Variants in DPH6 observed in about 807,000 individuals in gnomAD.
DPH6 encodes diphthine--ammonia ligase.
DPH6 carries 33 observed loss-of-function variants against 38.2 expected under a neutral mutation model. The observed-to-expected ratio is 0.86, with a 90% confidence interval of 0.65 to 1.15. DPH6 has a LOEUF of 1.15. DPH6 is among the 50% of genes most tolerant of loss of function. DPH6 has a pLI of 0.00. For synonymous variants in DPH6, 108 were observed against 103.0 expected, an observed-to-expected ratio of 1.05 and a Z score of -0.30; for missense variants, 325 against 320.0, an observed-to-expected ratio of 1.02 and a Z score of -0.12.
chr15:35,453,927 T>A (rs1189945400), intron 4 of DPH6, among the ~76,000 whole-genome samples: 1 of 152,098 alleles, frequency 6.6e-6, no homozygotes, highest in Non-Finnish European at 1.5e-5. Flanking sequence ...ATTTATCCTT[T>A]TGACTAGCAA....
the DPH6 span, among the ~76,000 whole-genome samples, chr15:35,155,221 G>A: frequency 6.6e-6 from 1 of 152,096 alleles, no homozygotes; most frequent in African/African-American, 2.4e-5. Context: ...CATAAAAAAG[G>A]ACTGGATTTA....
chr15:35,383,436 G>C (rs2052899107), intron 6 of DPH6, among the ~76,000 whole-genome samples: 1 of 152,096 alleles, frequency 6.6e-6, no homozygotes. Flanking sequence ...ATAGTTATTA[G>C]CCAGGCCTTG....
intron 5 of DPH6, among the ~76,000 whole-genome samples, chr15:35,411,430 T>C (rs2053365366): frequency 6.6e-6 from 1 of 151,798 alleles, no homozygotes; most frequent in Non-Finnish European, 1.5e-5. Context: ...TGACATTTCA[T>C]TTCAATGACT....
rs147991360 is a variant in DPH6 at position 35,468,993 on chromosome 15, G to A, written c.313-14173C>T. Among the ~76,000 whole-genome samples, 29 of 152,104 alleles carry A rather than the reference G, an allele frequency of 1.9e-4. No individual in the cohort carries two copies. The East Asian group carries it at 5.2e-3, about 27-fold the overall frequency. On this transcript the variant is annotated intron_variant, in intron 3 of 8. Transcript: ENST00000256538. ...AGAGTCAGGAGAATCGCTTGAATCC[G>A]GGAGGCGGAGGTTGCAGTGAGCCAA...
intron 3 of DPH6, among the ~76,000 whole-genome samples, chr15:35,469,414 A>G (rs527754426): frequency 4.0e-4 from 61 of 152,340 alleles, no homozygotes; most frequent in African/African-American, 1.4e-3. Context: ...AAAGCAAGTT[A>G]AAAGTTAAAA....
chr15:35,244,635 A>G (rs1266658695), intron 3 of DPH6, among the ~76,000 whole-genome samples: 4 of 152,258 alleles, frequency 2.6e-5, no homozygotes. Flanking sequence ...AGCAGTGATT[A>G]TCCCATATAT....
chr15:35,347,599 T>A (rs778647631), intron 3 of DPH6, among the ~76,000 whole-genome samples: 45,921 of 151,688 alleles, frequency 0.3, 7,662 homozygotes, highest in African/African-American at 0.44. Flanking sequence ...AAACTTGGAG[T>A]CCAAATATCT....
intron 1 of DPH6, among the ~76,000 whole-genome samples, chr15:35,545,474 GACTAGT>G (rs1418474705): frequency 6.6e-6 from 1 of 152,218 alleles, no homozygotes; most frequent in Non-Finnish European, 1.5e-5. Context: ...TCTAGCATAA[GACTAGT>G]ACAATTCGGT....
At chr15:35,531,875 A>G (rs2055093055) in intron 3 of DPH6, among the ~76,000 whole-genome samples, 1 of 152,176 alleles carries the variant, frequency 6.6e-6, no homozygotes, top group Non-Finnish European at 1.5e-5. Flanking sequence ...GACAGATACA[A>G]AAATGAACAG....
At chr15:35,267,642 C>T (rs532226055) in intron 3 of DPH6, among the ~76,000 whole-genome samples, 83 of 152,204 alleles carry the variant, frequency 5.5e-4, no homozygotes, top group Non-Finnish European at 1.1e-3. Flanking sequence ...CATCAGTTTT[C>T]GAGAATAGCC....
intron 3 of DPH6, among the ~76,000 whole-genome samples, chr15:35,313,508 T>C (rs2052162028): frequency 6.6e-6 from 1 of 152,162 alleles, no homozygotes; most frequent in Non-Finnish European, 1.5e-5. Context: ...CTCTTCAATT[T>C]CTTTCATCAG....
At chr15:35,482,873 A>G (rs575305204) in intron 3 of DPH6, among the ~76,000 whole-genome samples, 1 of 152,236 alleles carries the variant, frequency 6.6e-6, no homozygotes, top group South Asian at 2.1e-4. Flanking sequence ...TTTAAAAAAC[A>G]TCATCAAGAA....
chr15:35,307,917 A>G (rs1488938539), intron 3 of DPH6, among the ~76,000 whole-genome samples: 1 of 152,230 alleles, frequency 6.6e-6, no homozygotes, highest in Non-Finnish European at 1.5e-5. Context: ...TTCTAGTATC[A>G]TTCTTATTCA....
intron 5 of DPH6, among the ~76,000 whole-genome samples, chr15:35,448,948 T>C (rs1193868384): frequency 1.3e-5 from 2 of 150,268 alleles, no homozygotes; most frequent in African/African-American, 2.4e-5. Context: ...AAAATTTTAC[T>C]GATCCCTCTC....
chr15:35,348,290 AT>A (rs1451250331), intron 3 of DPH6, among the ~76,000 whole-genome samples: 1 of 152,196 alleles, frequency 6.6e-6, no homozygotes. Flanking sequence ...AAAGTATTAC[AT>A]TTAGATATTT....
intron 3 of DPH6, among the ~76,000 whole-genome samples, chr15:35,235,744 C>T (rs2051546773): frequency 6.6e-6 from 1 of 152,198 alleles, no homozygotes; most frequent in African/African-American, 2.4e-5. Flanking sequence ...TTCTCAAATA[C>T]TTGAATTCCT....
the DPH6 span, among the ~76,000 whole-genome samples, chr15:35,186,592 G>A: frequency 6.6e-6 from 1 of 152,194 alleles, no homozygotes; most frequent in African/African-American, 2.4e-5. Context: ...TACCAGCTGA[G>A]TTATGAATTT....
chr15:35,299,205 T>A, intron 3 of DPH6: 2 of 1,341,592 alleles, frequency 1.5e-6, no homozygotes, highest in Non-Finnish European at 2.1e-6. Flanking sequence ...GGGAACAGGA[T>A]CCTTCAGCCC....
At chr15:35,237,168 C>A in intron 3 of DPH6, 1 of 613,822 alleles carries the variant, frequency 1.6e-6, no homozygotes, top group African/African-American at 1.8e-5. Flanking sequence ...TTTAAAAATT[C>A]AGCATTAAAA....
Sources: gnomAD v4.1 joint callset for allele counts (sites outside exome capture counted in the v4.1 genomes callset) on GRCh38, gnomAD v4.1.1 for gene constraint, MANE v1.5 for transcripts, NCBI Gene and HGNC (gene_info 2026-07-23, HGNC 2026-07-21) for gene names.